The following JAK1 variants were observed in gnomAD, a reference collection of about 807,000 sequenced individuals.
JAK1 encodes tyrosine-protein kinase JAK1.
Under a neutral mutation model 136.6 loss-of-function variants are expected in JAK1, and 16 were observed. The ratio of observed to expected loss-of-function variants is 0.12; its 90% CI spans 0.08 to 0.18. JAK1 has a LOEUF of 0.18. Among genes scored for constraint, JAK1 ranks in the 10% least tolerant of loss-of-function variants. The probability of loss-of-function intolerance (pLI) is 1.00; values close to 1 mark genes in which losing one functional copy is unlikely to be tolerated. For synonymous variants in JAK1, 492 were observed against 519.5 expected, an observed-to-expected ratio of 0.95 and a Z score of 0.72; for missense variants, 859 against 1,450.1, an observed-to-expected ratio of 0.59 and a Z score of 6.62.
chr1:65,013,621 T>C (rs936926483), intron 2 of JAK1, among the ~76,000 whole-genome samples: 5 of 152,168 alleles, frequency 3.3e-5, no homozygotes, highest in African/African-American at 7.2e-5. Context: ...ACAAATTTCA[T>C]TTAATTTGGT....
intron 20 of JAK1, 68 bp downstream of exon 20, chr1:64,839,535 G>A: frequency 7.1e-7 from 1 of 1,413,540 alleles, no homozygotes; most frequent in Non-Finnish European, 9.7e-7. Context: ...TGCCTGTTTT[G>A]CACTGGCCTT....
chr1:64,879,153 G>A lies in JAK1; in HGVS notation c.206-5C>T. The A allele has an allele frequency of 1.2e-6, 2 of 1,613,272 alleles. No homozygotes were observed. The highest frequency in any genetic ancestry group is 1.7e-6 in the Non-Finnish European group (2 of 1,179,668). Reference sequence around the variant, plus strand: ...TGTGACAAAGAGGAGAGATACCTGAGGAAAAGTAAAAAAACACATCAGAAA... The same window carrying A: ...TGTGACAAAGAGGAGAGATACCTGAAGAAAAGTAAAAAAACACATCAGAAA... On this transcript the variant is annotated splice_polypyrimidine_tract_variant and splice_region_variant and intron_variant, in intron 3 of 24. Transcript: ENST00000342505.
At chr1:65,004,822 G>A (rs78096512) in intron 2 of JAK1, among the ~76,000 whole-genome samples, 11 of 152,238 alleles carry the variant, frequency 7.2e-5, no homozygotes, top group African/African-American at 2.4e-4. Context: ...AGACCAAATT[G>A]TGAAATGTCT....
intron 2 of JAK1, chr1:64,985,850 T>C: frequency 6.5e-6 from 4 of 614,918 alleles, no homozygotes; most frequent in Non-Finnish European, 1.2e-5. Flanking sequence ...TGACAAACAG[T>C]CCAACAGAAA....
chr1:64,869,410 T>A lies in JAK1; in HGVS notation c.548A>T (p.His183Leu). Residue 183 changes from histidine to leucine, a missense_variant, in exon 6 of 25, where the codon CAT (histidine) becomes CTT (leucine). Coordinates refer to ENST00000342505, the MANE Select transcript of JAK1 (RefSeq NM_002227.4). Reference protein sequence around the residue: ...IRDPKTEQDGHDIENECLGMA... With the variant: ...IRDPKTEQDGLDIENECLGMA... ...CCCTAGACACTCGTTCTCAATATCA[T>A]GTCCATCCTGCTCGGTCTTGGGGTC... 1 of 1,613,874 alleles carries A rather than the reference T, an allele frequency of 6.2e-7. No homozygotes were observed. The highest frequency in any genetic ancestry group is 8.5e-7 in the Non-Finnish European group (1 of 1,179,802).
At chr1:64,888,161 C>T (rs1644880547) in intron 1 of JAK1, among the ~76,000 whole-genome samples, 1 of 152,158 alleles carries the variant, frequency 6.6e-6, no homozygotes, top group African/African-American at 2.4e-5. Flanking sequence ...TTAGAACTTA[C>T]AAAGGTGTTT....
chr1:64,835,307 G>A (rs901735070), intron 24 of JAK1, 89 bp downstream of exon 24: 21 of 639,810 alleles, frequency 3.3e-5, no homozygotes, highest in African/African-American at 7.6e-5. Context: ...TCATTTCCTC[G>A]CTCTCCCCTC....
At chr1:64,944,316 A>G (rs762985202) in intron 1 of JAK1, among the ~76,000 whole-genome samples, 21 of 152,216 alleles carry the variant, frequency 1.4e-4, no homozygotes, top group Admixed American at 4.6e-4. Context: ...ATAAATTGGA[A>G]ATTTTTAAAA....
At chr1:65,028,126 T>G (rs1646993392) in intron 2 of JAK1, among the ~76,000 whole-genome samples, 1 of 152,118 alleles carries the variant, frequency 6.6e-6, no homozygotes, top group Non-Finnish European at 1.5e-5. Context: ...AAATATTTCC[T>G]TTGCCTGGAA....
intron 1 of JAK1, among the ~76,000 whole-genome samples, chr1:64,957,967 A>G (rs1469658773): frequency 6.6e-6 from 1 of 152,122 alleles, no homozygotes; most frequent in Non-Finnish European, 1.5e-5. Flanking sequence ...AGTGTACTGC[A>G]AAGACTCCCT....
intron 4 of JAK1, chr1:64,875,981 T>C (rs1657380731): frequency 6.6e-6 from 1 of 152,372 alleles, no homozygotes; most frequent in Non-Finnish European, 1.5e-5. Context: ...TCTGACAGAA[T>C]GGCCAACAGG....
At chr1:64,894,101 A>G (rs1325302407) in intron 1 of JAK1, among the ~76,000 whole-genome samples, 11 of 152,212 alleles carry the variant, frequency 7.2e-5, no homozygotes, top group Admixed American at 7.2e-4. Context: ...GAAAGACAGA[A>G]GGACAGAGGA....
At chr1:65,034,826 G>A (rs564022412) in intron 2 of JAK1, among the ~76,000 whole-genome samples, 99 of 152,202 alleles carry the variant, frequency 6.5e-4, no homozygotes, top group African/African-American at 2.0e-3. Context: ...AGGCCAAGGC[G>A]GGCGGATCAC....
intron 2 of JAK1, among the ~76,000 whole-genome samples, chr1:65,012,875 C>T (rs951455713): frequency 2.6e-5 from 4 of 151,186 alleles, no homozygotes; most frequent in South Asian, 2.1e-4. Context: ...AGGCGGATCA[C>T]GAGGTCAGGA....
chr1:64,868,540 A>C (rs1478911111), intron 6 of JAK1, among the ~76,000 whole-genome samples: 1 of 152,246 alleles, frequency 6.6e-6, no homozygotes. Context: ...AGAAAGCAGC[A>C]GTTGAGCAGT....
At chr1:64,857,814 C>A in intron 9 of JAK1, 35 bp from the exon 10 acceptor site, 1 of 1,612,298 alleles carries the variant, frequency 6.2e-7, no homozygotes, top group Non-Finnish European at 8.5e-7. Context: ...AGAAAGAGCT[C>A]ACACCAAACA....
At chr1:64,963,272 T>A (rs779395110) in intron 1 of JAK1, among the ~76,000 whole-genome samples, 1 of 152,168 alleles carries the variant, frequency 6.6e-6, no homozygotes, top group Non-Finnish European at 1.5e-5. Flanking sequence ...TTGGCAAGGA[T>A]GTGAGTGTGC....
At chr1:64,929,377 G>C (rs1030859726) in intron 1 of JAK1, among the ~76,000 whole-genome samples, 5 of 152,192 alleles carry the variant, frequency 3.3e-5, no homozygotes, top group African/African-American at 1.2e-4. Flanking sequence ...TAATTAAAGA[G>C]TATCCTGAAA....
At chr1:64,885,696 G>A (rs370905821) in intron 2 of JAK1, among the ~76,000 whole-genome samples, 1 of 151,100 alleles carries the variant, frequency 6.6e-6, no homozygotes, top group African/African-American at 2.4e-5. Context: ...GGAGGTTGCC[G>A]CGAGCCGAGA....
Sources: allele counts gnomAD v4.1 joint callset (sites outside exome capture counted in the v4.1 genomes callset), GRCh38; gene constraint gnomAD v4.1.1; transcripts MANE v1.5; gene names NCBI Gene and HGNC (gene_info 2026-07-23, HGNC 2026-07-21).